GNB4: variants seen among roughly 807,000 people sequenced by gnomAD.
The protein encoded by GNB4 is G protein subunit beta 4, also known as guanine nucleotide-binding protein subunit beta-4.
Under a neutral mutation model 45.2 loss-of-function variants are expected in GNB4, and 28 were observed. The observed-to-expected ratio is 0.62, with a 90% confidence interval of 0.46 to 0.85. The LOEUF is 0.85. Ranked by LOEUF, GNB4 falls within the 40% of genes least tolerant of loss-of-function variation. The pLI, the probability that GNB4 is intolerant of heterozygous loss-of-function variation, is 0.00. For synonymous variants in GNB4, 132 were observed against 143.7 expected, an observed-to-expected ratio of 0.92 and a Z score of 0.58; for missense variants, 321 against 425.4, an observed-to-expected ratio of 0.75 and a Z score of 2.16.
chr3:179,462,210 G>A, the GNB4 span, among the ~76,000 whole-genome samples: 1 of 152,034 alleles, frequency 6.6e-6, no homozygotes, highest in South Asian at 2.1e-4. Flanking sequence ...CTCATGAACT[G>A]CAGTGTCTCA....
intron 8 of GNB4, chr3:179,405,610 A>AAGTACACAGCCCATTGTTC: frequency 1.9e-6 from 1 of 534,280 alleles, no homozygotes; most frequent in South Asian, 2.6e-5. Context: ...AACATATGCA[A>AAGTACACAGCCCATTGTTC]AGTACACAGC....
chr3:179,456,818 C>T, the GNB4 span, among the ~76,000 whole-genome samples: 1 of 4,514 alleles, frequency 2.2e-4, no homozygotes, highest in South Asian at 0.031. Context: ...TGGAACCATA[C>T]AGTATGTACC....
chr3:179,473,969 A>G, the GNB4 span, among the ~76,000 whole-genome samples: 2 of 152,130 alleles, frequency 1.3e-5, no homozygotes, highest in African/African-American at 4.8e-5. Flanking sequence ...ATAAATTAAG[A>G]CTTCTTCCCT....
upstream of GNB4, among the ~76,000 whole-genome samples, chr3:179,453,322 G>C (rs940768368): frequency 6.6e-6 from 1 of 152,070 alleles, no homozygotes; most frequent in Admixed American, 6.6e-5. Flanking sequence ...GGGTTTCACC[G>C]TGTTGACCAG....
the GNB4 span, among the ~76,000 whole-genome samples, chr3:179,509,384 G>T: frequency 1.3e-5 from 2 of 152,074 alleles, no homozygotes; most frequent in Non-Finnish European, 2.9e-5. Context: ...AAATAAACTA[G>T]ATATTCACAC....
chr3:179,465,296 G>A, the GNB4 span: 3 of 1,479,316 alleles, frequency 2.0e-6, no homozygotes, highest in Admixed American at 1.7e-5. Flanking sequence ...CATGACAGTG[G>A]CAATGCTAAT....
chr3:179,427,393 C>T (rs570327414), intron 1 of GNB4, among the ~76,000 whole-genome samples: 25 of 151,926 alleles, frequency 1.6e-4, no homozygotes, highest in African/African-American at 5.8e-4. Context: ...TCGCTTGAGG[C>T]CAGGAGTTCA....
chr3:179,410,192 G>GT (rs1239674472), intron 8 of GNB4: 9 of 152,184 alleles, frequency 5.9e-5, no homozygotes, highest in Non-Finnish European at 1.3e-4. Flanking sequence ...CCAGTATCAG[G>GT]TATTTCTTCA....
At chr3:179,404,882 C>T (rs991488509) in intron 9 of GNB4, among the ~76,000 whole-genome samples, 2 of 152,128 alleles carry the variant, frequency 1.3e-5, no homozygotes, top group Non-Finnish European at 2.9e-5. Flanking sequence ...TGTTTCCTGT[C>T]AGGTGATAAG....
chr3:179,426,847 G>A (rs6443649), intron 1 of GNB4, among the ~76,000 whole-genome samples: 73,016 of 151,942 alleles, frequency 0.48, 18,118 homozygotes, highest in African/African-American at 0.59. Context: ...TCTCCTTTCT[G>A]CTGCCCTCGA....
At chr3:179,490,664 C>T in the GNB4 span, among the ~76,000 whole-genome samples, 17 of 152,050 alleles carry the variant, frequency 1.1e-4, no homozygotes, top group African/African-American at 4.1e-4. Context: ...AGAGTGTATC[C>T]CGGTTCTGAG....
At chr3:179,492,539 C>A in the GNB4 span, among the ~76,000 whole-genome samples, 1 of 152,242 alleles carries the variant, frequency 6.6e-6, no homozygotes, top group African/African-American at 2.4e-5. Flanking sequence ...TACCCTGGAG[C>A]CCAAGAAGCT....
At chr3:179,437,516 A>G (rs985896185) in intron 1 of GNB4, among the ~76,000 whole-genome samples, 1 of 152,040 alleles carries the variant, frequency 6.6e-6, no homozygotes, top group Non-Finnish European at 1.5e-5. Context: ...AGTGAGCGGA[A>G]GATTGCACAA....
chr3:179,455,234 C>T (rs545602809), upstream of GNB4, among the ~76,000 whole-genome samples: 2 of 152,290 alleles, frequency 1.3e-5, no homozygotes, highest in East Asian at 3.9e-4. Context: ...GAACTAGAAG[C>T]ATGCAGGCAT....
the GNB4 span, among the ~76,000 whole-genome samples, chr3:179,515,431 G>A: frequency 2.0e-5 from 3 of 152,016 alleles, 1 homozygote; most frequent in South Asian, 6.2e-4. Context: ...GGGTGGGGCT[G>A]TGTTATAGGA....
chr3:179,525,722 T>C, the GNB4 span, among the ~76,000 whole-genome samples: 1 of 152,098 alleles, frequency 6.6e-6, no homozygotes, highest in African/African-American at 2.4e-5. Context: ...GTCTCCTTTG[T>C]CTCTACTAGA....
chr3:179,520,464 ACTTGAC>A, the GNB4 span, among the ~76,000 whole-genome samples: 1 of 152,030 alleles, frequency 6.6e-6, no homozygotes, highest in Non-Finnish European at 1.5e-5. Context: ...TATCCAAATA[ACTTGAC>A]CTTACTGTTT....
At chr3:179,491,164 G>A in the GNB4 span, among the ~76,000 whole-genome samples, 7 of 152,176 alleles carry the variant, frequency 4.6e-5, no homozygotes, top group African/African-American at 1.4e-4. Context: ...AAGGAAGAAC[G>A]AAAGGGACAT....
At chr3:179,527,616 T>C in the GNB4 span, among the ~76,000 whole-genome samples, 1 of 152,208 alleles carries the variant, frequency 6.6e-6, no homozygotes, top group Non-Finnish European at 1.5e-5. Context: ...GTTAAATAGG[T>C]TTCCCAAAGT....
Sources: gnomAD v4.1 joint callset for allele counts (sites outside exome capture counted in the v4.1 genomes callset) on GRCh38, gnomAD v4.1.1 for gene constraint, MANE v1.5 for transcripts, NCBI Gene and HGNC (gene_info 2026-07-23, HGNC 2026-07-21) for gene names.